FBXW7: variants seen among roughly 807,000 people sequenced by gnomAD.
FBXW7 encodes F-box and WD repeat domain containing 7.
In FBXW7, 11 loss-of-function variants were observed where a neutral mutation model predicts 86.3. The ratio of observed to expected loss-of-function variants is 0.13; its 90% CI spans 0.08 to 0.21. The LOEUF is 0.21. Ranked by LOEUF, FBXW7 falls within the 10% of genes least tolerant of loss-of-function variation. The pLI is 1.00. For missense variants in FBXW7, 488 were observed against 847.4 expected, an observed-to-expected ratio of 0.58 and a Z score of 5.27; for synonymous variants, 313 against 297.9, an observed-to-expected ratio of 1.05 and a Z score of -0.52.
At chr4:152,426,070 A>C (rs1040398669) in intron 2 of FBXW7, among the ~76,000 whole-genome samples, 5 of 152,152 alleles carry the variant, frequency 3.3e-5, no homozygotes, top group Non-Finnish European at 7.4e-5. Context: ...CAGTGACCTT[A>C]ATTAAAAGTG....
intron 2 of FBXW7, among the ~76,000 whole-genome samples, chr4:152,464,652 G>A (rs941503351): frequency 8.6e-5 from 13 of 151,884 alleles, no homozygotes; most frequent in Non-Finnish European, 1.9e-4. Flanking sequence ...CACATGAAGA[G>A]GAAACAAAAG....
At chr4:152,340,495 C>T (rs975514918) in intron 6 of FBXW7, among the ~76,000 whole-genome samples, 1 of 143,442 alleles carries the variant, frequency 7.0e-6, no homozygotes, top group African/African-American at 2.6e-5. Flanking sequence ...AGGAGAATGG[C>T]GTGAACCCGG....
chr4:152,435,381 T>C (rs1036745800), intron 2 of FBXW7, among the ~76,000 whole-genome samples: 4 of 152,218 alleles, frequency 2.6e-5, no homozygotes, highest in African/African-American at 9.7e-5. Flanking sequence ...TGGATTCACA[T>C]TATGCATCGC....
At chr4:152,344,279 G>A (rs865774805) in intron 6 of FBXW7, among the ~76,000 whole-genome samples, 2 of 152,132 alleles carry the variant, frequency 1.3e-5, no homozygotes, top group South Asian at 2.1e-4. Context: ...GTACAACAAT[G>A]AGGCCTTGGG....
At chr4:152,336,182 A>T (rs1730083639) in intron 7 of FBXW7, among the ~76,000 whole-genome samples, 1 of 152,104 alleles carries the variant, frequency 6.6e-6, no homozygotes, top group Non-Finnish European at 1.5e-5. Context: ...TGATATGCTA[A>T]ACCAAGGCTC....
intron 2 of FBXW7, among the ~76,000 whole-genome samples, chr4:152,527,049 T>C (rs564978121): frequency 3.9e-5 from 6 of 152,362 alleles, no homozygotes; most frequent in African/African-American, 9.6e-5. Context: ...AACTTTAACT[T>C]AATAAATTAA....
At chr4:152,485,983 A>G (rs1474784096) in intron 2 of FBXW7, among the ~76,000 whole-genome samples, 1 of 152,218 alleles carries the variant, frequency 6.6e-6, no homozygotes, top group Non-Finnish European at 1.5e-5. Context: ...ACACAAGCCT[A>G]CACGGTATAG....
At chr4:152,516,201 T>A (rs919817016) in intron 2 of FBXW7, among the ~76,000 whole-genome samples, 1 of 152,234 alleles carries the variant, frequency 6.6e-6, no homozygotes, top group Admixed American at 6.5e-5. Context: ...TTGTGTTAAT[T>A]TGCTGTAGAG....
chr4:152,432,949 G>A (rs1364351763), intron 2 of FBXW7, among the ~76,000 whole-genome samples: 1 of 152,096 alleles, frequency 6.6e-6, no homozygotes, highest in African/African-American at 2.4e-5. Flanking sequence ...TGTGGATTTT[G>A]AAACATCATT....
intron 4 of FBXW7, among the ~76,000 whole-genome samples, chr4:152,396,500 GT>G (rs1363303657): frequency 6.6e-6 from 1 of 151,996 alleles, no homozygotes; most frequent in African/African-American, 2.4e-5. Context: ...GCAAGCCAGT[GT>G]TTTCTCCAGA....
chr4:152,411,921 T>A, intron 3 of FBXW7, 49 bp from the exon 4 acceptor site: 1 of 1,406,492 alleles, frequency 7.1e-7, no homozygotes, highest in Non-Finnish European at 9.3e-7. Context: ...ATCTATATTA[T>A]GTTCTACTTT....
chr4:152,531,930 A>C (rs1484463942), intron 2 of FBXW7, among the ~76,000 whole-genome samples: 1 of 152,116 alleles, frequency 6.6e-6, no homozygotes, highest in African/African-American at 2.4e-5. Context: ...CCTGGGACTA[A>C]ACTGGTGGCC....
intron 2 of FBXW7, among the ~76,000 whole-genome samples, chr4:152,421,217 T>C (rs1169119327): frequency 6.6e-6 from 1 of 152,188 alleles, no homozygotes; most frequent in Non-Finnish European, 1.5e-5. Flanking sequence ...TTCTGAAGCT[T>C]CCTCCCCTCT....
intron 4 of FBXW7, among the ~76,000 whole-genome samples, chr4:152,371,855 G>C (rs1385166434): frequency 6.6e-6 from 1 of 152,002 alleles, no homozygotes; most frequent in Admixed American, 6.6e-5. Context: ...ATGTGACCAT[G>C]AAATGTGGAT....
intron 2 of FBXW7, among the ~76,000 whole-genome samples, chr4:152,504,739 AAAAGTT>A (rs1291477441): frequency 1.3e-5 from 2 of 152,344 alleles, no homozygotes; most frequent in East Asian, 3.8e-4. Flanking sequence ...ACTTCCGGTA[AAAAGTT>A]AGTGTTGAAA....
intron 2 of FBXW7, among the ~76,000 whole-genome samples, chr4:152,432,147 T>C (rs1482996230): frequency 1.3e-5 from 2 of 152,166 alleles, no homozygotes; most frequent in Non-Finnish European, 2.9e-5. Flanking sequence ...CTCTACCTCC[T>C]AGAGAATGTT....
rs1728585651 is a variant in FBXW7 at position 152,321,852 on chromosome 4, G to GA, written c.*1028dup. On this transcript the variant is annotated 3_prime_UTR_variant, in exon 14 of 14. Transcript: ENST00000281708. ...TGTTTTAATTTTTGCCCAGATAAAA[G>GA]AAAATAAGCTTTGCACACACTCTCA... 4.3e-6 allele frequency: 1 copy of GA among 232,702 alleles called. No homozygotes were observed. The highest frequency in any genetic ancestry group is 8.5e-6 in the Non-Finnish European group (1 of 117,458). 14.4% of individuals were successfully genotyped at this position (232,702 alleles called of 1,614,324 possible). A position where few individuals can be genotyped will look rare whatever the true frequency, so the allele number is the denominator to read the frequency against.
intron 5 of FBXW7, among the ~76,000 whole-genome samples, chr4:152,349,542 T>A (rs1478416319): frequency 1.3e-5 from 2 of 151,898 alleles, no homozygotes. Flanking sequence ...ACTATTCTAC[T>A]GGTATAGAAA....
rs747939018 is a variant in FBXW7 at position 152,411,648 on chromosome 4, G to GTGC, written c.153_155dup (p.Glu51_His52insGln). On this transcript the variant is annotated inframe_insertion, in exon 4 of 14. Transcript: ENST00000281708. Reference sequence around the variant, plus strand: ...CAACAACTTCACCATTCCTTGCAGTGTGCTCCTCCTCTTGTTGTCTGAGTT... The same window carrying GTGC: ...CAACAACTTCACCATTCCTTGCAGTGTGCTGCTCCTCCTCTTGTTGTCTGAGTT... 4 of 1,613,932 alleles carry GTGC rather than the reference G, an allele frequency of 2.5e-6. No homozygotes were observed. The Admixed American group carries it at 6.7e-5, about 27-fold the overall frequency.
Sources: gnomAD v4.1 joint callset for allele counts (sites outside exome capture counted in the v4.1 genomes callset) on GRCh38, gnomAD v4.1.1 for gene constraint, MANE v1.5 for transcripts, NCBI Gene and HGNC (gene_info 2026-07-23, HGNC 2026-07-21) for gene names.